Variants in KLKB1 observed in about 807,000 individuals in gnomAD.
KLKB1 encodes the protein plasma kallikrein.
A neutral mutation model predicts 73.6 loss-of-function variants in KLKB1; 58 were observed. That is an observed-to-expected ratio of 0.79 (90% CI 0.64 to 0.98). The LOEUF is 0.98. Ranked by LOEUF, KLKB1 falls within the 50% of genes least tolerant of loss-of-function variation. The pLI, the probability that KLKB1 is intolerant of heterozygous loss-of-function variation, is 0.00. For synonymous variants in KLKB1, 280 were observed against 258.1 expected (o/e 1.08, Z -0.81); for missense variants, 737 against 763.8 (o/e 0.96, Z 0.41).
upstream of KLKB1, among the ~76,000 whole-genome samples, chr4:186,226,263 C>T (rs1579989635): frequency 1.3e-5 from 2 of 151,872 alleles, no homozygotes; most frequent in Non-Finnish European, 2.9e-5. Context: ...CAGTAAAGAT[C>T]TCCATTTCTT....
chr4:186,229,249 G>A (rs370164966), intron 2 of KLKB1, among the ~76,000 whole-genome samples: 2,296 of 152,176 alleles, frequency 0.015, 24 homozygotes, highest in Non-Finnish European at 0.024. Flanking sequence ...ATTATGGCTA[G>A]GAAAATCAGG....
At chr4:186,257,826 T>G (rs1408659935) in intron 14 of KLKB1, among the ~76,000 whole-genome samples, 195 bp from the exon 15 acceptor site, 1 of 151,402 alleles carries the variant, frequency 6.6e-6, no homozygotes, top group Non-Finnish European at 1.5e-5. Context: ...GGGAGGCCAA[T>G]GCAGGTGGAT....
At chr4:186,231,586 C>T (rs1358318652) in intron 2 of KLKB1, among the ~76,000 whole-genome samples, 1 of 152,232 alleles carries the variant, frequency 6.6e-6, no homozygotes, top group African/African-American at 2.4e-5. Flanking sequence ...GATTGGGAGT[C>T]AGGGCTGGGT....
intron 2 of KLKB1, among the ~76,000 whole-genome samples, 154 bp downstream of exon 2, chr4:186,228,407 A>G (rs1184893310): frequency 1.3e-5 from 2 of 152,182 alleles, no homozygotes; most frequent in African/African-American, 2.4e-5. Context: ...ATGTTCCACA[A>G]CAAGGACCAC....
chr4:186,238,070 C>T (rs1737789066), intron 5 of KLKB1, among the ~76,000 whole-genome samples, 186 bp from the exon 6 acceptor site: 1 of 152,062 alleles, frequency 6.6e-6, no homozygotes, highest in African/African-American at 2.4e-5. Flanking sequence ...TCATTCTCAC[C>T]CTAACTTTTC....
chr4:186,243,905 T>A (rs1738188960), intron 6 of KLKB1, among the ~76,000 whole-genome samples: 1 of 152,084 alleles, frequency 6.6e-6, no homozygotes, highest in Non-Finnish European at 1.5e-5. Context: ...CTGCCATCAA[T>A]AAACCAAGTG....
chr4:186,222,869 G>C (rs1737060660), upstream of KLKB1, among the ~76,000 whole-genome samples: 2 of 152,090 alleles, frequency 1.3e-5, no homozygotes, highest in African/African-American at 4.8e-5. Context: ...TATTTGTCTG[G>C]TGATATGATT....
intron 2 of KLKB1, among the ~76,000 whole-genome samples, chr4:186,214,160 C>G (rs1579981517): frequency 6.6e-6 from 1 of 152,268 alleles, no homozygotes; most frequent in East Asian, 1.9e-4. Context: ...GATCAATCAG[C>G]AATAGAACCT....
upstream of KLKB1, among the ~76,000 whole-genome samples, chr4:186,224,992 C>T (rs557264752): frequency 3.3e-5 from 5 of 152,246 alleles, no homozygotes; most frequent in East Asian, 9.7e-4. Flanking sequence ...GACAGTTTCC[C>T]CTGCACATAC....
intron 2 of KLKB1, among the ~76,000 whole-genome samples, chr4:186,229,445 A>G (rs79503045): frequency 3.3e-5 from 5 of 152,194 alleles, no homozygotes. Flanking sequence ...ACTTATAGCT[A>G]TCTTTTGGTG....
chr4:186,232,984 G>A (rs887329088), intron 3 of KLKB1, among the ~76,000 whole-genome samples: 2 of 152,054 alleles, frequency 1.3e-5, no homozygotes, highest in African/African-American at 2.4e-5. Flanking sequence ...GCGTGATCTC[G>A]GCTCACTGCA....
rs763266772 is a variant in KLKB1, at chr4:186,258,133, A to G, written c.1838A>G (p.Lys613Arg). ...ARREQPGVYT[K>R]VAEYMDWILE... ...AGGGAGCAACCTGGTGTCTACACCA[A>G]AGTCGCTGAGTACATGGACTGGATT... Residue 613 changes from lysine (K) to arginine (R), a missense_variant, in exon 15 of 15, where the codon AAA (lysine) becomes AGA (arginine). Transcript: ENST00000264690. 10 of 1,614,208 alleles carry G rather than the reference A, an allele frequency of 6.2e-6. No individual in the cohort carries two copies. The East Asian group carries it at 8.9e-5, about 14-fold the overall frequency.
At chr4:186,247,651 G>A (rs541048850) in intron 6 of KLKB1, among the ~76,000 whole-genome samples, 7 of 152,236 alleles carry the variant, frequency 4.6e-5, no homozygotes, top group African/African-American at 1.2e-4. Flanking sequence ...GGGCTTAATC[G>A]CACTTTATAA....
At chr4:186,244,050 C>T (rs933555326) in intron 6 of KLKB1, among the ~76,000 whole-genome samples, 1 of 152,152 alleles carries the variant, frequency 6.6e-6, no homozygotes, top group East Asian at 1.9e-4. Flanking sequence ...AGAAAGGCTA[C>T]AGGGCGTGGT....
At chr4:186,238,153 G>T (rs1441879220) in intron 5 of KLKB1, 103 bp from the exon 6 acceptor site, 1 of 781,638 alleles carries the variant, frequency 1.3e-6, no homozygotes, top group South Asian at 1.4e-5. Context: ...CATTATCAGG[G>T]TCATTGTTTT....
rs1580049151 is a variant in KLKB1 at position 186,258,005 on chromosome 4, T to C, written c.1726-16T>C. On this transcript the variant is annotated splice_polypyrimidine_tract_variant and intron_variant, in intron 14 of 14. Coordinates refer to ENST00000264690, the MANE Select transcript of KLKB1 (RefSeq NM_000892.5). ...GTCGTAACTTTCTACTATTTTATTTTTCCACTGTGACTCAGGGAGATTCAG... is the reference window on the plus strand; with the variant it reads ...GTCGTAACTTTCTACTATTTTATTTCTCCACTGTGACTCAGGGAGATTCAG... 13 of 1,613,032 alleles carry C rather than the reference T, an allele frequency of 8.1e-6. No homozygotes were observed. Among genetic ancestry groups the C allele is most frequent in the Non-Finnish European group, 1.0e-5 (12 of 1,178,974 alleles).
In KLKB1 at chr4:186,251,526, G is replaced by A. The variant is rs752890540; in HGVS notation, c.908G>A (p.Gly303Glu). The stretch of plus-strand genomic sequence containing the variant: ...AAAATTTACCCGGGAGTTGACTTTG[G>A]AGGAGAAGAATTGAATGTGACTTTT... ...HSKIYPGVDF[G>E]GEELNVTFVK... Residue 303 changes from glycine (G) to glutamate (E), a missense_variant, in exon 9 of 15, where the codon GGA (glycine) becomes GAA (glutamate). By Grantham distance (98) the Gly-to-Glu change is moderately conservative (BLOSUM62 -2). Coordinates refer to ENST00000264690, the MANE Select transcript of KLKB1 (RefSeq NM_000892.5). 1.2e-6 allele frequency: 2 copies of A among 1,614,042 alleles called. No homozygotes were observed. The highest frequency in any genetic ancestry group is 4.5e-5 in the East Asian group (2 of 44,870).
At chr4:186,250,150 T>C (rs1432337524) in intron 6 of KLKB1, 93 bp from the exon 7 acceptor site, 1 of 1,143,094 alleles carries the variant, frequency 8.7e-7, no homozygotes, top group African/African-American at 1.5e-5. Flanking sequence ...GAATAATAAA[T>C]AGTCACAATT....
chr4:186,257,618 A>G (rs1003377710), intron 14 of KLKB1, among the ~76,000 whole-genome samples: 3 of 118,968 alleles, frequency 2.5e-5, no homozygotes, highest in African/African-American at 9.9e-5. Flanking sequence ...GCTAGAATAT[A>G]AAAACATTAG....
Sources: gnomAD v4.1 joint callset for allele counts (sites outside exome capture counted in the v4.1 genomes callset) on GRCh38, gnomAD v4.1.1 for gene constraint, MANE v1.5 for transcripts, NCBI Gene and HGNC (gene_info 2026-07-23, HGNC 2026-07-21) for gene names.